The following FAT4 variants were observed in gnomAD, a reference collection of about 807,000 sequenced individuals.
FAT4 encodes protocadherin Fat 4.
FAT4 carries 84 observed loss-of-function variants against 303.9 expected under a neutral mutation model. The ratio of observed to expected loss-of-function variants is 0.28; its 90% CI spans 0.23 to 0.33. The LOEUF is 0.33. Among genes scored for constraint, FAT4 ranks in the 10% least tolerant of loss-of-function variants. The pLI is 1.00. For synonymous variants in FAT4, 2,307 were observed against 2,298.8 expected (o/e 1.00, Z -0.10); for missense variants, 6,005 against 6,146.8 (o/e 0.98, Z 0.77).
At position 125,316,358 on chromosome 4, in the gene FAT4, C is replaced by A; in HGVS notation, c.-12-42C>A. 4 of 1,535,862 alleles carry A rather than the reference C, an allele frequency of 2.6e-6. No individual in the cohort carries two copies. The South Asian group carries it at 5.0e-5, about 19-fold the overall frequency. On this transcript the variant is annotated intron_variant, in intron 1 of 17. Transcript: ENST00000394329. The surrounding 1 kb of genome is among the most constrained non-coding windows in gnomAD (Gnocchi z 5.7). ...TCCTTAATCCCTGTAAATATCATTGCGTTTGCTTCACCCCTTCCTTCTCTT... is the reference window on the plus strand; with the variant it reads ...TCCTTAATCCCTGTAAATATCATTGAGTTTGCTTCACCCCTTCCTTCTCTT...
chr4:125,398,078 T>C (rs1235883843), intron 2 of FAT4, among the ~76,000 whole-genome samples: 1 of 152,182 alleles, frequency 6.6e-6, no homozygotes, highest in Non-Finnish European at 1.5e-5. Context: ...TATTTTATAC[T>C]TCACAAATCC....
intron 2 of FAT4, among the ~76,000 whole-genome samples, chr4:125,325,012 T>A (rs1162572569): frequency 6.6e-6 from 1 of 152,104 alleles, no homozygotes; most frequent in African/African-American, 2.4e-5. Context: ...CAAATCTTCT[T>A]GGGCAATATA....
chr4:125,353,409 A>T (rs540566559), intron 2 of FAT4, among the ~76,000 whole-genome samples: 101 of 151,670 alleles, frequency 6.7e-4, no homozygotes, highest in African/African-American at 2.3e-3. Context: ...ATTTTTTATT[A>T]TTTTCTCTTT....
intron 17 of FAT4, among the ~76,000 whole-genome samples, chr4:125,488,561 T>A (rs1430199750): frequency 6.6e-6 from 1 of 152,088 alleles, no homozygotes; most frequent in East Asian, 1.9e-4. Flanking sequence ...ACCAAACTGT[T>A]AGTGATTATG....
At chr4:125,384,058 G>A (rs1304118563) in intron 2 of FAT4, among the ~76,000 whole-genome samples, 4 of 152,030 alleles carry the variant, frequency 2.6e-5, no homozygotes, top group East Asian at 1.9e-4. Flanking sequence ...ATCACATTTT[G>A]TGTATTCATG....
In FAT4 at chr4:125,315,059, T is replaced by C. The variant is rs181265658; in HGVS notation, c.-931T>C. Among the ~76,000 whole-genome samples, 11 of 151,944 alleles carry C rather than the reference T, an allele frequency of 7.2e-5. No individual in the cohort carries two copies. The East Asian group carries it at 2.1e-3, about 30-fold the overall frequency. ...GTTTGTGTTTCGGCGACGCGCTGTG[T>C]GTGTGTGTGTGCGTGTGTATGTGTG... On this transcript the variant is annotated 5_prime_UTR_variant, in exon 1 of 18. Transcript: ENST00000394329.
chr4:125,397,328 AGTGTCAGACAGGAATTTGAAGTCTG>A (rs1361591357), intron 2 of FAT4, among the ~76,000 whole-genome samples: 1 of 152,144 alleles, frequency 6.6e-6, no homozygotes, highest in Admixed American at 6.6e-5. Context: ...CTAGCTAATA[AGTGTCAGACAGGAATTTGAAGTCTG>A]GTCTCTCTAA....
At chr4:125,440,080 C>A (rs982663086) in intron 8 of FAT4, among the ~76,000 whole-genome samples, 6 of 151,740 alleles carry the variant, frequency 4.0e-5, no homozygotes, top group Non-Finnish European at 8.8e-5. Flanking sequence ...TCTTTTTATT[C>A]TTCTCATATC....
intron 2 of FAT4, among the ~76,000 whole-genome samples, chr4:125,364,124 TTCTCTC>T (rs35020841): frequency 1.3e-5 from 2 of 149,936 alleles, no homozygotes; most frequent in African/African-American, 2.5e-5. Flanking sequence ...TTCCTATTCC[TTCTCTC>T]TCTCTCTCTC....
intron 2 of FAT4, among the ~76,000 whole-genome samples, chr4:125,350,314 A>C (rs2125977282): frequency 6.6e-6 from 1 of 151,886 alleles, no homozygotes; most frequent in East Asian, 1.9e-4. Flanking sequence ...ATCAATTCAA[A>C]GAAAATGAGA....
At chr4:125,334,990 T>C (rs1300933778) in intron 2 of FAT4, among the ~76,000 whole-genome samples, 7 of 152,196 alleles carry the variant, frequency 4.6e-5, no homozygotes, top group Non-Finnish European at 7.3e-5. Flanking sequence ...TGTAATTAGT[T>C]ACAAGTAATG....
chr4:125,401,300 T>G (rs1241203539), intron 3 of FAT4, among the ~76,000 whole-genome samples: 1 of 152,054 alleles, frequency 6.6e-6, no homozygotes, highest in Non-Finnish European at 1.5e-5. Flanking sequence ...TTTTTGTTGT[T>G]GTTTTTAGTT....
intron 2 of FAT4, among the ~76,000 whole-genome samples, chr4:125,383,567 G>A (rs1266848292): frequency 6.6e-6 from 1 of 152,140 alleles, no homozygotes; most frequent in Non-Finnish European, 1.5e-5. Flanking sequence ...ACCAAAATGT[G>A]ACACAGACAC....
chr4:125,389,727 T>C (rs1175945842), intron 2 of FAT4, among the ~76,000 whole-genome samples: 1 of 152,128 alleles, frequency 6.6e-6, no homozygotes, highest in Non-Finnish European at 1.5e-5. Flanking sequence ...AGTAATACCA[T>C]CAAGATGAGA....
chr4:125,319,491 C>A lies in FAT4; in HGVS notation c.3080C>A (p.Ala1027Glu). The change falls in exon 2 of 18, where the codon GCA becomes GAA. Residue 1027 changes from alanine to glutamate, a missense_variant. Physicochemically the swap from Ala to Glu is moderately radical, Grantham distance 107 (BLOSUM62 -1). Coordinates refer to ENST00000394329, the MANE Select transcript of FAT4 (RefSeq NM_001291303.3). Reference protein sequence around the residue: ...KVQASDKDSGANGEIAYTIAE... With the variant: ...KVQASDKDSGENGEIAYTIAE... Reference sequence around the variant, plus strand: ...CAAGCTTCTGATAAGGATTCAGGAGCAAATGGTGAAATTGCATACACCATT... The same window carrying A: ...CAAGCTTCTGATAAGGATTCAGGAGAAAATGGTGAAATTGCATACACCATT... 6 of 1,613,698 alleles carry A rather than the reference C, an allele frequency of 3.7e-6. No homozygotes were observed. The highest frequency in any genetic ancestry group is 1.3e-5 in the African/African-American group (1 of 75,008).
Position 125,491,654 on chromosome 4 carries a change from A to T in FAT4, c.14838A>T (p.Val4946=). Residue 4946 remains valine, a synonymous_variant, in exon 18 of 18, where the codon GTA becomes GTT. Coordinates refer to ENST00000394329, the MANE Select transcript of FAT4 (RefSeq NM_001291303.3). ...GGGGCCCTGGCTTTGGCCATTATGT[A>T]GATGTTTTTAAAGATTTGGCATCTC... The part of the protein sequence containing the change: ...LNWGPGFGHY[V]DVFKDLASLP... 6.2e-7 allele frequency: 1 copy of T among 1,614,198 alleles called. No individual in the cohort carries two copies. The highest frequency in any genetic ancestry group is 1.3e-5 in the African/African-American group (1 of 75,056).
intron 7 of FAT4, among the ~76,000 whole-genome samples, chr4:125,427,610 A>T (rs1346299157): frequency 6.6e-6 from 1 of 152,136 alleles, no homozygotes; most frequent in African/African-American, 2.4e-5. Context: ...ATAATCTTCA[A>T]TGCTAATATA....
chr4:125,341,740 A>G (rs1212744494), intron 2 of FAT4, among the ~76,000 whole-genome samples: 4 of 152,072 alleles, frequency 2.6e-5, no homozygotes. Flanking sequence ...AGAAAACAAG[A>G]GAAAAAAATT....
In FAT4 at chr4:125,341,653, A is replaced by C. The variant is rs1445308193; in HGVS notation, c.5175+20067A>C. 3.3e-5 allele frequency among the ~76,000 whole-genome samples: 5 copies of C among 152,084 alleles called. No homozygotes were observed. The South Asian group carries it at 1.0e-3, about 31-fold the overall frequency. ...TATCTAAAAATCATTTACATTTACAAATAAGAATATTTTTACCTGCACCAA... is the reference window on the plus strand; with the variant it reads ...TATCTAAAAATCATTTACATTTACACATAAGAATATTTTTACCTGCACCAA... On this transcript the variant is annotated intron_variant, in intron 2 of 17. Transcript: ENST00000394329.
Sources: allele counts gnomAD v4.1 joint callset (sites outside exome capture counted in the v4.1 genomes callset), GRCh38; gene constraint gnomAD v4.1.1; non-coding constraint Gnocchi (gnomAD v3.1); transcripts MANE v1.5; gene names NCBI Gene and HGNC (gene_info 2026-07-23, HGNC 2026-07-21).